Variants in TRIO observed in about 807,000 individuals in gnomAD.
The protein encoded by TRIO is triple functional domain protein.
In TRIO, 58 loss-of-function variants were observed where a neutral mutation model predicts 351.9. The ratio of observed to expected loss-of-function variants is 0.16; its 90% confidence interval spans 0.13 to 0.21. TRIO has a LOEUF of 0.21. Ranked by LOEUF, TRIO falls within the 10% of genes least tolerant of loss-of-function variation. The probability of loss-of-function intolerance (pLI) is 1.00; values close to 1 mark genes in which losing one functional copy is unlikely to be tolerated. For missense variants in TRIO, 3,201 were observed against 4,027.8 expected (o/e 0.79, Z 5.56); for synonymous variants, 1,758 against 1,595.7 (o/e 1.10, Z -2.42).
At chr5:14,346,759 G>A (rs1417888988) in intron 11 of TRIO, among the ~76,000 whole-genome samples, 2 of 152,242 alleles carry the variant, frequency 1.3e-5, no homozygotes, top group Non-Finnish European at 2.9e-5. Flanking sequence ...AGACAAGAAA[G>A]GAAAGTATGG....
chr5:14,222,667 A>G (rs1792720193), intron 1 of TRIO, among the ~76,000 whole-genome samples: 1 of 152,182 alleles, frequency 6.6e-6, no homozygotes, highest in African/African-American at 2.4e-5. Flanking sequence ...GTTCCACAGG[A>G]TTCTGATGCA....
Position 14,460,294 on chromosome 5 carries a change from C to G in TRIO, c.5204-725C>G, listed in dbSNP as rs183344605. On this transcript the variant is annotated intron_variant, in intron 34 of 56. Transcript: ENST00000344204. The stretch of plus-strand genomic sequence containing the variant: ...TTACTTCAGCACATGTGGTAAGTTT[C>G]TCAAGACTGTGAGCAAAGTCCCGGT... 1.2e-3 allele frequency among the ~76,000 whole-genome samples: 187 copies of G among 152,224 alleles called. 1 individual carries two copies. Among genetic ancestry groups the G allele is most frequent in the African/African-American group, 4.1e-3 (171 of 41,550 alleles).
intron 1 of TRIO, among the ~76,000 whole-genome samples, chr5:14,225,093 C>A (rs1561222448): frequency 1.3e-5 from 2 of 152,224 alleles, no homozygotes; most frequent in South Asian, 4.2e-4. Flanking sequence ...GACCCTACAG[C>A]CCTAGAGCAT....
chr5:14,202,492 G>A (rs553345343), intron 1 of TRIO, among the ~76,000 whole-genome samples: 1 of 151,354 alleles, frequency 6.6e-6, no homozygotes. Flanking sequence ...GTGATTACCA[G>A]TATCTCCATT....
At chr5:14,385,124 G>T in intron 21 of TRIO, among the ~76,000 whole-genome samples, 1 of 152,212 alleles carries the variant, frequency 6.6e-6, no homozygotes. Flanking sequence ...CCGTTGCTGG[G>T]GGAGTGGAGC....
intron 8 of TRIO, among the ~76,000 whole-genome samples, chr5:14,308,559 C>T (rs1182825533): frequency 6.6e-6 from 1 of 152,076 alleles, no homozygotes; most frequent in African/African-American, 2.4e-5. Flanking sequence ...ATCACCCAAC[C>T]ACCCATTCAT....
intron 11 of TRIO, among the ~76,000 whole-genome samples, chr5:14,342,838 A>AATCTATTAC (rs1561365182): frequency 4.1e-4 from 62 of 152,340 alleles, no homozygotes; most frequent in African/African-American, 1.5e-3. Flanking sequence ...TATTGTTGAA[A>AATCTATTAC]ATGCACTAAT....
At chr5:14,289,134 T>TC (rs1736694579) in intron 4 of TRIO, among the ~76,000 whole-genome samples, 1 of 152,098 alleles carries the variant, frequency 6.6e-6, no homozygotes, top group South Asian at 2.1e-4. Context: ...ATGCCTGTAA[T>TC]CCCAGCACTT....
Position 14,487,665 on chromosome 5 carries a change from G to C in TRIO, c.7037G>C (p.Arg2346Pro). ...CCCTCCCGGATCCCCCAGCCTGTCC[G>C]ACACCACCCCCCCGTGCTGGTCTCC... is the stretch of plus-strand genomic sequence containing the variant. Reference protein sequence around the residue: ...SRPSRIPQPVRHHPPVLVSSA... With the variant: ...SRPSRIPQPVPHHPPVLVSSA... Residue 2346 changes from arginine to proline, a missense_variant, in exon 48 of 57, where the codon CGA becomes CCA. Coordinates refer to ENST00000344204, the MANE Select transcript of TRIO (RefSeq NM_007118.4). The C allele has an allele frequency of 7.3e-7, 1 of 1,367,484 alleles. No homozygotes were observed. The highest frequency in any genetic ancestry group is 1.8e-5 in the South Asian group (1 of 55,302). 84.7% of individuals were successfully genotyped at this position (1,367,484 alleles called of 1,614,324 possible). A position where few individuals can be genotyped will look rare whatever the true frequency, so the allele number is the denominator to read the frequency against.
chr5:14,250,348 T>C (rs551613393), intron 1 of TRIO, among the ~76,000 whole-genome samples: 1 of 152,322 alleles, frequency 6.6e-6, no homozygotes, highest in Non-Finnish European at 1.5e-5. Context: ...CTTGCATGCC[T>C]GCTCCCCCTG....
chr5:14,235,768 T>G (rs1793725622), intron 1 of TRIO, among the ~76,000 whole-genome samples: 1 of 152,048 alleles, frequency 6.6e-6, no homozygotes, highest in Admixed American at 6.5e-5. Context: ...AGTTTATGGA[T>G]AGGGGATATA....
Position 14,482,683 on chromosome 5 carries a change from C to T in TRIO, c.6567C>T (p.Phe2189=). The change falls in exon 46 of 57, where the codon TTC becomes TTT. Residue 2189 remains phenylalanine (F), a synonymous_variant. Transcript: ENST00000344204. ...LLPRCRERRI[F]LFEQIVIFSE... is the part of the protein sequence containing the mutation. ...CTCGCTGCAGAGAGAGGCGCATCTT[C>T]CTCTTTGAGCAGATCGTCATATTCA... is the stretch of plus-strand genomic sequence containing the variant. 1 of 1,611,532 alleles carries T rather than the reference C, an allele frequency of 6.2e-7. No homozygotes were observed. Among genetic ancestry groups the T allele is most frequent in the Non-Finnish European group, 8.5e-7 (1 of 1,178,434 alleles).
chr5:14,282,238 A>G (rs1167409760), intron 3 of TRIO, among the ~76,000 whole-genome samples: 1 of 152,208 alleles, frequency 6.6e-6, no homozygotes, highest in Non-Finnish European at 1.5e-5. Flanking sequence ...ACTCACTATC[A>G]TTTATAAATA....
At position 14,393,103 on chromosome 5, in the gene TRIO, A is replaced by G. The variant is rs1200320901; in HGVS notation, c.4219-935A>G. 2.0e-5 allele frequency among the ~76,000 whole-genome samples: 3 copies of G among 152,030 alleles called. No homozygotes were observed. The South Asian group carries it at 6.2e-4, about 32-fold the overall frequency. ...GTTCATGTTCTTTGCAGGGACATAG[A>G]TGAAGCTGGAAACCATCATTCTCAG... On this transcript the variant is annotated intron_variant, in intron 27 of 56. Coordinates refer to ENST00000344204, the MANE Select transcript of TRIO (RefSeq NM_007118.4).
chr5:14,442,794 A>G (rs887813800), intron 34 of TRIO, among the ~76,000 whole-genome samples: 1 of 152,240 alleles, frequency 6.6e-6, no homozygotes, highest in Non-Finnish European at 1.5e-5. Context: ...ACAACTGGTC[A>G]CATGAAAAGT....
At chr5:14,451,264 C>A (rs1316053444) in intron 34 of TRIO, among the ~76,000 whole-genome samples, 1 of 151,974 alleles carries the variant, frequency 6.6e-6, no homozygotes, top group South Asian at 2.1e-4. Context: ...GATTAACTTA[C>A]AGATTAACTC....
chr5:14,370,727 T>C (rs546589803), intron 18 of TRIO, among the ~76,000 whole-genome samples: 3 of 152,230 alleles, frequency 2.0e-5, no homozygotes, highest in Non-Finnish European at 4.4e-5. Context: ...TCATTAGTTA[T>C]AACTACGTCA....
chr5:14,320,671 T>C (rs1338199842), intron 9 of TRIO, among the ~76,000 whole-genome samples: 1 of 152,210 alleles, frequency 6.6e-6, no homozygotes, highest in African/African-American at 2.4e-5. Context: ...TTTTTCTCTT[T>C]CCAAAATACC....
chr5:14,247,634 A>T (rs1394581708), intron 1 of TRIO, among the ~76,000 whole-genome samples: 3 of 152,226 alleles, frequency 2.0e-5, no homozygotes, highest in Non-Finnish European at 4.4e-5. Context: ...ATTATATTGC[A>T]CTTAAAATAG....
Sources: gnomAD v4.1 joint callset for allele counts (sites outside exome capture counted in the v4.1 genomes callset) on GRCh38, gnomAD v4.1.1 for gene constraint, MANE v1.5 for transcripts, NCBI Gene and HGNC (gene_info 2026-07-23, HGNC 2026-07-21) for gene names.